The following SLC9A9 variants were observed in gnomAD, a reference collection of about 807,000 sequenced individuals.
SLC9A9 encodes solute carrier family 9 member A9, also known as sodium/hydrogen exchanger 9.
In SLC9A9, 62 loss-of-function variants were observed where a neutral mutation model predicts 77.8. The observed-to-expected ratio is 0.80, with a 90% CI of 0.65 to 0.98. The LOEUF (loss-of-function observed/expected upper bound fraction) is 0.98, where lower values mean the gene tolerates loss of function less well. Among genes scored for constraint, SLC9A9 ranks in the 50% least tolerant of loss-of-function variants. SLC9A9 has a pLI of 0.00. For synonymous variants in SLC9A9, 320 were observed against 283.5 expected (o/e 1.13, Z -1.29); for missense variants, 775 against 774.9 (o/e 1.00, Z 0.00).
At chr3:143,827,063 G>C (rs1349415525) in intron 2 of SLC9A9, among the ~76,000 whole-genome samples, 1 of 152,236 alleles carries the variant, frequency 6.6e-6, no homozygotes, top group Non-Finnish European at 1.5e-5. Flanking sequence ...ATGAATGAAA[G>C]TATGAAACAG....
At chr3:143,792,306 A>C (rs184075451) in intron 4 of SLC9A9, among the ~76,000 whole-genome samples, 8 of 152,314 alleles carry the variant, frequency 5.3e-5, no homozygotes, top group African/African-American at 1.7e-4. Flanking sequence ...TGAAAGTGTC[A>C]GTTTGATCTG....
intron 12 of SLC9A9, among the ~76,000 whole-genome samples, chr3:143,388,754 C>T (rs2033486303): frequency 6.6e-6 from 1 of 152,130 alleles, no homozygotes; most frequent in African/African-American, 2.4e-5. Context: ...AGGATTCCTG[C>T]CATCAATGAC....
chr3:143,726,918 CT>C (rs1190026991), intron 4 of SLC9A9, among the ~76,000 whole-genome samples: 1 of 152,100 alleles, frequency 6.6e-6, no homozygotes, highest in African/African-American at 2.4e-5. Flanking sequence ...TCCAGTGCCC[CT>C]ATGACTGAAC....
chr3:143,781,234 T>G (rs2007871904), intron 4 of SLC9A9, among the ~76,000 whole-genome samples: 1 of 152,210 alleles, frequency 6.6e-6, no homozygotes, highest in Non-Finnish European at 1.5e-5. Flanking sequence ...ATTAACAAAA[T>G]ATTCTATAAG....
chr3:143,844,336 A>G lies in SLC9A9; in HGVS notation c.175+3812T>C, dbSNP rs540028470. On this transcript the variant is annotated intron_variant, in intron 1 of 15. Coordinates refer to ENST00000316549, the MANE Select transcript of SLC9A9 (RefSeq NM_173653.4). ...ATTTTTAAATTGGACTCTCAGGTAC[A>G]TTGATAAAATAGACTCAACATCTAT... Among the ~76,000 whole-genome samples, 6 of 83,518 alleles carry G rather than the reference A, an allele frequency of 7.2e-5. No homozygotes were observed. In the South Asian group the frequency reaches 2.1e-3, roughly 29 times the overall value. 54.8% of individuals were successfully genotyped at this position (83,518 alleles called of 152,430 possible).
At chr3:143,374,362 T>C (rs1006287967) in intron 13 of SLC9A9, among the ~76,000 whole-genome samples, 3 of 143,120 alleles carry the variant, frequency 2.1e-5, no homozygotes, top group African/African-American at 7.9e-5. Context: ...GAGGCGGAGC[T>C]TGCAGTGAGC....
chr3:143,332,664 T>C (rs1316851763), intron 14 of SLC9A9, among the ~76,000 whole-genome samples: 1 of 152,242 alleles, frequency 6.6e-6, no homozygotes, highest in Non-Finnish European at 1.5e-5. Flanking sequence ...GGTTCATTTG[T>C]GCCCAAGGGT....
chr3:143,734,318 T>A (rs1934884128), intron 4 of SLC9A9, among the ~76,000 whole-genome samples: 1 of 152,230 alleles, frequency 6.6e-6, no homozygotes, highest in Non-Finnish European at 1.5e-5. Context: ...ACATGGCTTA[T>A]ACACCCAAGT....
intron 12 of SLC9A9, among the ~76,000 whole-genome samples, chr3:143,440,365 G>T (rs1400485600): frequency 6.6e-6 from 1 of 152,094 alleles, no homozygotes; most frequent in African/African-American, 2.4e-5. Context: ...CAGAGTAAGG[G>T]GAAACACCCT....
intron 6 of SLC9A9, among the ~76,000 whole-genome samples, chr3:143,622,802 T>C (rs1199062821): frequency 6.6e-6 from 1 of 152,140 alleles, no homozygotes; most frequent in African/African-American, 2.4e-5. Context: ...AATGCTCCAA[T>C]TTAAAGACAC....
chr3:143,791,909 T>A (rs1366822057), intron 4 of SLC9A9, among the ~76,000 whole-genome samples: 1 of 152,228 alleles, frequency 6.6e-6, no homozygotes, highest in Non-Finnish European at 1.5e-5. Context: ...GTGGTTATGT[T>A]GATGAATATT....
chr3:143,806,277 A>C (rs573419506), intron 2 of SLC9A9, among the ~76,000 whole-genome samples: 5 of 152,144 alleles, frequency 3.3e-5, no homozygotes, highest in South Asian at 2.1e-4. Context: ...CTTCCCTGTG[A>C]TATCTGCCCG....
At chr3:143,345,717 C>T (rs933176434) in intron 14 of SLC9A9, among the ~76,000 whole-genome samples, 8 of 152,166 alleles carry the variant, frequency 5.3e-5, no homozygotes, top group African/African-American at 1.9e-4. Flanking sequence ...TCCAACAGGG[C>T]TCATCTATGC....
At chr3:143,707,282 A>G (rs1934008812) in intron 4 of SLC9A9, among the ~76,000 whole-genome samples, 1 of 152,066 alleles carries the variant, frequency 6.6e-6, no homozygotes, top group South Asian at 2.1e-4. Flanking sequence ...ATAAAAATAT[A>G]TAGGGAGGGA....
intron 8 of SLC9A9, among the ~76,000 whole-genome samples, chr3:143,569,822 T>C (rs922105502): frequency 1.3e-5 from 2 of 150,906 alleles, no homozygotes; most frequent in East Asian, 1.9e-4. Context: ...TTCTTTTTTT[T>C]TTTTTTTTGG....
At chr3:143,758,302 T>C (rs2006996036) in intron 4 of SLC9A9, among the ~76,000 whole-genome samples, 1 of 152,216 alleles carries the variant, frequency 6.6e-6, no homozygotes. Context: ...TTAATATGCC[T>C]ATTATATAGT....
chr3:143,670,714 G>C (rs1303671358), intron 5 of SLC9A9, among the ~76,000 whole-genome samples: 6 of 152,150 alleles, frequency 3.9e-5, no homozygotes, highest in African/African-American at 7.2e-5. Flanking sequence ...AAGCTGCCTG[G>C]ATTACCTCTG....
intron 11 of SLC9A9, among the ~76,000 whole-genome samples, chr3:143,487,248 C>A (rs960447347): frequency 6.6e-6 from 1 of 151,850 alleles, no homozygotes; most frequent in Non-Finnish European, 1.5e-5. Flanking sequence ...CATTTACATA[C>A]CTAATGACAG....
intron 6 of SLC9A9, among the ~76,000 whole-genome samples, chr3:143,594,344 A>G (rs1559984615): frequency 6.6e-6 from 1 of 152,204 alleles, no homozygotes; most frequent in Non-Finnish European, 1.5e-5. Context: ...TTGCAATGTT[A>G]ATAGCTGCCG....
Sources: gnomAD v4.1 joint callset for allele counts (sites outside exome capture counted in the v4.1 genomes callset) on GRCh38, gnomAD v4.1.1 for gene constraint, MANE v1.5 for transcripts, NCBI Gene and HGNC (gene_info 2026-07-23, HGNC 2026-07-21) for gene names.